Variants in DAAM1 observed in about 807,000 individuals in gnomAD.
DAAM1 encodes dishevelled associated activator of morphogenesis 1.
A neutral mutation model predicts 130.0 loss-of-function variants in DAAM1; 52 were observed. That is an observed-to-expected ratio of 0.40 (90% CI 0.32 to 0.50). The LOEUF (loss-of-function observed/expected upper bound fraction) is 0.50, where lower values mean the gene tolerates loss of function less well. DAAM1 is among the 20% of genes least tolerant of loss of function. The pLI, the probability that DAAM1 is intolerant of heterozygous loss-of-function variation, is 0.61. For synonymous variants in DAAM1, 452 were observed against 444.5 expected (o/e 1.02, Z -0.21); for missense variants, 1,134 against 1,303.8 (o/e 0.87, Z 2.01).
At chr14:59,287,172 A>G (rs1883500583) in intron 2 of DAAM1, among the ~76,000 whole-genome samples, 1 of 151,922 alleles carries the variant, frequency 6.6e-6, no homozygotes, top group Non-Finnish European at 1.5e-5. Context: ...TAAACAGAAT[A>G]ATAAAAACCT....
chr14:59,367,852 T>C lies in DAAM1; in HGVS notation c.2997+253T>C, dbSNP rs576016098. Among the ~76,000 whole-genome samples, 9 of 152,212 alleles carry C rather than the reference T, an allele frequency of 5.9e-5. No homozygotes were observed. The East Asian group carries it at 1.7e-3, about 29-fold the overall frequency. On this transcript the variant is annotated intron_variant, in intron 24 of 24. Coordinates refer to ENST00000360909, the MANE Select transcript of DAAM1 (RefSeq NM_001270520.2). ...TTTCTTAGCAATTATTTTAAAGAAA[T>C]AATCATAAATTTACACAAAAAAGGG...
intron 1 of DAAM1, among the ~76,000 whole-genome samples, chr14:59,209,976 T>A (rs867995626): frequency 1.3e-5 from 2 of 149,694 alleles, no homozygotes; most frequent in African/African-American, 2.5e-5. Flanking sequence ...AAAAAAAAAA[T>A]AGGAAAAAAA....
At chr14:59,358,344 T>C (rs1886563069) in intron 20 of DAAM1, among the ~76,000 whole-genome samples, 1 of 152,188 alleles carries the variant, frequency 6.6e-6, no homozygotes, top group Non-Finnish European at 1.5e-5. Flanking sequence ...TTCAGCCCTG[T>C]CACCACCAGA....
intron 18 of DAAM1, among the ~76,000 whole-genome samples, chr14:59,352,849 A>G (rs1156684983): frequency 1.3e-5 from 2 of 152,134 alleles, no homozygotes; most frequent in African/African-American, 2.4e-5. Flanking sequence ...TTTCACAATT[A>G]TCTCTATTTC....
At chr14:59,358,340 C>G (rs553336698) in intron 20 of DAAM1, among the ~76,000 whole-genome samples, 1 of 152,292 alleles carries the variant, frequency 6.6e-6, no homozygotes, top group South Asian at 2.1e-4. Flanking sequence ...AGAGTTCAGC[C>G]CTGTCACCAC....
intron 16 of DAAM1, among the ~76,000 whole-genome samples, chr14:59,346,596 A>G (rs1328727792): frequency 6.6e-6 from 1 of 152,156 alleles, no homozygotes; most frequent in African/African-American, 2.4e-5. Flanking sequence ...GTGAGACCCC[A>G]TTTCCATCAA....
intron 3 of DAAM1, among the ~76,000 whole-genome samples, chr14:59,293,473 T>C (rs1334825411): frequency 6.6e-6 from 1 of 152,208 alleles, no homozygotes; most frequent in Non-Finnish European, 1.5e-5. Context: ...ATGTGGTCAC[T>C]GGCCTCAGAA....
At chr14:59,295,756 C>A (rs1883934584) in intron 3 of DAAM1, among the ~76,000 whole-genome samples, 1 of 152,210 alleles carries the variant, frequency 6.6e-6, no homozygotes, top group Non-Finnish European at 1.5e-5. Flanking sequence ...AGACATCGGT[C>A]TTCTAGTTCT....
intron 3 of DAAM1, among the ~76,000 whole-genome samples, chr14:59,294,779 C>CT (rs1362213861): frequency 6.8e-6 from 1 of 147,160 alleles, no homozygotes; most frequent in Non-Finnish European, 1.5e-5. Context: ...TAAACTGAAG[C>CT]TTTTTAAACA....
At chr14:59,245,267 G>A (rs1046854645) in intron 1 of DAAM1, among the ~76,000 whole-genome samples, 1 of 152,078 alleles carries the variant, frequency 6.6e-6, no homozygotes, top group Non-Finnish European at 1.5e-5. Context: ...TATCATTTGT[G>A]ATCAGCTGCT....
intron 23 of DAAM1, among the ~76,000 whole-genome samples, chr14:59,364,926 C>T (rs1886856754): frequency 6.6e-6 from 1 of 152,166 alleles, no homozygotes; most frequent in Non-Finnish European, 1.5e-5. Flanking sequence ...TGTGAAAGCC[C>T]CCATCCATGT....
At chr14:59,276,116 C>T (rs1476855288) in intron 2 of DAAM1, among the ~76,000 whole-genome samples, 1 of 152,120 alleles carries the variant, frequency 6.6e-6, no homozygotes, top group Non-Finnish European at 1.5e-5. Flanking sequence ...TTCTAACCAC[C>T]ATCATACTAA....
chr14:59,270,711 C>T (rs1301475654), intron 2 of DAAM1, among the ~76,000 whole-genome samples: 2 of 152,110 alleles, frequency 1.3e-5, no homozygotes, highest in Admixed American at 6.5e-5. Context: ...TACCAGGAGC[C>T]CCCCTGCAAT....
At chr14:59,190,063 C>T (rs771545917) in intron 1 of DAAM1, among the ~76,000 whole-genome samples, 2 of 152,100 alleles carry the variant, frequency 1.3e-5, no homozygotes, top group Admixed American at 1.3e-4. Context: ...GAATCTTAGC[C>T]GCTGCCACTG....
chr14:59,347,212 A>G (rs921571752), intron 16 of DAAM1, among the ~76,000 whole-genome samples: 3 of 152,204 alleles, frequency 2.0e-5, no homozygotes, highest in Admixed American at 1.3e-4. Flanking sequence ...TCCCGCCTGC[A>G]GTTCATGGAT....
intron 20 of DAAM1, 105 bp downstream of exon 20, chr14:59,355,438 A>T: frequency 7.4e-7 from 1 of 1,358,200 alleles, no homozygotes; most frequent in Non-Finnish European, 1.0e-6. Flanking sequence ...TGCATTCTTC[A>T]GTTGGAACTT....
intron 1 of DAAM1, among the ~76,000 whole-genome samples, chr14:59,205,473 G>C (rs1437797228): frequency 6.6e-6 from 1 of 152,166 alleles, no homozygotes; most frequent in Non-Finnish European, 1.5e-5. Flanking sequence ...TGTGTTTGTT[G>C]AATCAGGTTT....
In DAAM1 at chr14:59,363,713, C is replaced by T. The variant is rs2139688419; in HGVS notation, c.2757C>T (p.Ser919=). Residue 919 remains serine, a synonymous_variant, in exon 23 of 25, where the codon AGC becomes AGT. Coordinates refer to ENST00000360909, the MANE Select transcript of DAAM1 (RefSeq NM_001270520.2). ...QPGDKFVSVV[S]QFITVASFSF... Reference sequence around the variant, plus strand: ...GAGATAAGTTTGTGTCTGTTGTCAGCCAGTTCATCACAGTAGCCAGCTTCA... The same window carrying T: ...GAGATAAGTTTGTGTCTGTTGTCAGTCAGTTCATCACAGTAGCCAGCTTCA... 2.5e-6 allele frequency: 4 copies of T among 1,614,130 alleles called. No individual in the cohort carries two copies. The highest frequency in any genetic ancestry group is 3.4e-6 in the Non-Finnish European group (4 of 1,179,998).
intron 1 of DAAM1, among the ~76,000 whole-genome samples, chr14:59,227,925 G>A (rs2757117): frequency 0.26 from 38,968 of 152,024 alleles, 5,374 homozygotes; most frequent in African/African-American, 0.34. Context: ...ATTGCTACCA[G>A]TTTGTATCTC....
Sources: gnomAD v4.1 joint callset for allele counts (sites outside exome capture counted in the v4.1 genomes callset) on GRCh38, gnomAD v4.1.1 for gene constraint, MANE v1.5 for transcripts, NCBI Gene and HGNC (gene_info 2026-07-23, HGNC 2026-07-21) for gene names.